TBC1D12: variants seen among roughly 807,000 people sequenced by gnomAD.
The protein encoded by TBC1D12 is TBC1 domain family, member 12.
TBC1D12 carries 56 observed loss-of-function variants against 86.7 expected under a neutral mutation model. That is an observed-to-expected ratio of 0.65 (90% CI 0.52 to 0.81). TBC1D12 has a LOEUF of 0.81. Ranked by LOEUF, TBC1D12 falls within the 30% of genes least tolerant of loss-of-function variation. The pLI is 0.00. For missense variants in TBC1D12, 1,023 were observed against 1,038.8 expected (o/e 0.98, Z 0.21); for synonymous variants, 421 against 411.7 (o/e 1.02, Z -0.27).
intron 2 of TBC1D12, among the ~76,000 whole-genome samples, chr10:94,444,084 C>T (rs913288234): frequency 4.0e-5 from 6 of 151,068 alleles, no homozygotes; most frequent in African/African-American, 1.5e-4. Context: ...ACAGGAGAAT[C>T]GCTTGAACCT....
chr10:94,531,528 T>C, intron 12 of TBC1D12, 68 bp downstream of exon 12: 2 of 1,461,456 alleles, frequency 1.4e-6, no homozygotes, highest in Non-Finnish European at 1.8e-6. Flanking sequence ...AAAAGTTAGG[T>C]ATTTCTTAAA....
chr10:94,529,154 G>A (rs1014056748), intron 11 of TBC1D12, among the ~76,000 whole-genome samples: 2 of 151,904 alleles, frequency 1.3e-5, no homozygotes, highest in African/African-American at 4.8e-5. Flanking sequence ...GGGGCTACAG[G>A]CAAACCACTA....
intron 5 of TBC1D12, among the ~76,000 whole-genome samples, chr10:94,497,411 A>C (rs2056335794): frequency 6.6e-6 from 1 of 151,928 alleles, no homozygotes; most frequent in Non-Finnish European, 1.5e-5. Flanking sequence ...ACTATTAATT[A>C]ATGCCTGAAA....
intron 2 of TBC1D12, among the ~76,000 whole-genome samples, chr10:94,446,728 T>G (rs1408106264): frequency 1.3e-5 from 2 of 152,092 alleles, no homozygotes; most frequent in African/African-American, 4.8e-5. Flanking sequence ...AAACCAAACA[T>G]TTCTTTAATG....
chr10:94,413,066 A>G (rs1353485980), intron 1 of TBC1D12, among the ~76,000 whole-genome samples: 3 of 152,218 alleles, frequency 2.0e-5, no homozygotes, highest in African/African-American at 4.8e-5. Flanking sequence ...AGGTCTCCTC[A>G]GGTAGTGACT....
intron 3 of TBC1D12, among the ~76,000 whole-genome samples, chr10:94,476,772 C>T (rs1416583500): frequency 1.3e-5 from 2 of 152,184 alleles, no homozygotes; most frequent in Non-Finnish European, 2.9e-5. Flanking sequence ...TTACACCATA[C>T]TCTATTTCAT....
At chr10:94,433,199 C>T (rs1485880652) in intron 1 of TBC1D12, among the ~76,000 whole-genome samples, 1 of 151,970 alleles carries the variant, frequency 6.6e-6, no homozygotes, top group Admixed American at 6.6e-5. Flanking sequence ...GACTTCGTCT[C>T]GGAAACCCTC....
intron 9 of TBC1D12, among the ~76,000 whole-genome samples, chr10:94,521,492 C>A (rs1477448236): frequency 6.6e-6 from 1 of 152,094 alleles, no homozygotes; most frequent in Non-Finnish European, 1.5e-5. Flanking sequence ...CAGGCTCAAC[C>A]CCCACAACGT....
chr10:94,488,557 ATT>A (rs1343525113), intron 3 of TBC1D12, among the ~76,000 whole-genome samples: 1 of 148,112 alleles, frequency 6.8e-6, no homozygotes, highest in African/African-American at 2.5e-5. Flanking sequence ...CACCCGGCTA[ATT>A]TTTTGTATTT....
intron 1 of TBC1D12, among the ~76,000 whole-genome samples, chr10:94,416,333 T>C (rs2054997262): frequency 6.6e-6 from 1 of 152,224 alleles, no homozygotes; most frequent in Non-Finnish European, 1.5e-5. Context: ...TTGCTTGAAT[T>C]CTTTTACTAA....
chr10:94,428,406 A>G (rs999507306), intron 1 of TBC1D12, among the ~76,000 whole-genome samples: 1 of 148,864 alleles, frequency 6.7e-6, no homozygotes, highest in African/African-American at 2.5e-5. Flanking sequence ...TCCCACCTCA[A>G]CCTCTCGAGT....
At chr10:94,528,018 C>CT (rs201087019) in intron 11 of TBC1D12, among the ~76,000 whole-genome samples, 25 of 148,326 alleles carry the variant, frequency 1.7e-4, no homozygotes, top group African/African-American at 3.5e-4. Flanking sequence ...ATGCCTCCAG[C>CT]TTTTTTTTTT....
chr10:94,409,343 C>T (rs955072241), intron 1 of TBC1D12, among the ~76,000 whole-genome samples: 2 of 149,950 alleles, frequency 1.3e-5, no homozygotes, highest in African/African-American at 4.9e-5. Context: ...AGCACTCAAA[C>T]ATATTACTTT....
At chr10:94,459,187 G>T (rs2055682779) in intron 2 of TBC1D12, among the ~76,000 whole-genome samples, 2 of 152,118 alleles carry the variant, frequency 1.3e-5, no homozygotes, top group African/African-American at 4.8e-5. Context: ...TAGACACAGA[G>T]TGCTGATTGG....
At position 94,534,618 on chromosome 10, in the gene TBC1D12, C is replaced by A. The variant is rs1319596070; in HGVS notation, c.*1522C>A. On this transcript the variant is annotated 3_prime_UTR_variant, in exon 13 of 13. Coordinates refer to ENST00000225235, the MANE Select transcript of TBC1D12 (RefSeq NM_015188.2). ...TGATTGAATCATTATTTGATGAATT[C>A]TTTCATTGTAACATAGGGAGTCATT... 1.3e-5 allele frequency: 2 copies of A among 152,170 alleles called. No individual in the cohort carries two copies. The highest frequency in any genetic ancestry group is 2.4e-5 in the African/African-American group (1 of 41,438). The allele number at this position is 152,170 out of a possible 1,614,324, so 9.4% of individuals were successfully genotyped here. A position where few individuals can be genotyped will look rare whatever the true frequency, so the allele number is the denominator to read the frequency against.
intron 2 of TBC1D12, among the ~76,000 whole-genome samples, chr10:94,452,212 T>C (rs1024009824): frequency 6.6e-5 from 10 of 152,050 alleles, no homozygotes; most frequent in African/African-American, 2.4e-4. Flanking sequence ...TGTCCCCACA[T>C]ACACACAACC....
At chr10:94,442,783 T>C (rs928881051) in intron 2 of TBC1D12, among the ~76,000 whole-genome samples, 3 of 152,216 alleles carry the variant, frequency 2.0e-5, no homozygotes, top group African/African-American at 4.8e-5. Context: ...CTAGCATTTA[T>C]AAAAACAATC....
intron 12 of TBC1D12, among the ~76,000 whole-genome samples, 179 bp downstream of exon 12, chr10:94,531,639 CTTATTTTATTTTATTTTATT>C (rs1202906270): frequency 1.2e-4 from 14 of 121,236 alleles, no homozygotes; most frequent in Admixed American, 1.7e-4. Flanking sequence ...AAACATAGGG[CTTATTTTATTTTATTTTATT>C]TTATTTTATT....
At chr10:94,495,733 TG>T (rs367629107) in intron 4 of TBC1D12, among the ~76,000 whole-genome samples, 87 of 151,860 alleles carry the variant, frequency 5.7e-4, no homozygotes, top group South Asian at 3.3e-3. Context: ...ATTTTTTTTT[TG>T]TTGTTGGTAA....
Sources: allele counts gnomAD v4.1 joint callset (sites outside exome capture counted in the v4.1 genomes callset), GRCh38; gene constraint gnomAD v4.1.1; transcripts MANE v1.5; gene names NCBI Gene and HGNC (gene_info 2026-07-23, HGNC 2026-07-21).